The following MYL1 variants were observed in gnomAD, a reference collection of about 807,000 sequenced individuals.
MYL1 encodes the protein myosin light chain 1.
MYL1 carries 16 observed loss-of-function variants against 21.8 expected under a neutral mutation model. The ratio of observed to expected loss-of-function variants is 0.74; its 90% CI spans 0.50 to 1.12. The LOEUF is 1.12. MYL1 is among the 50% of genes most tolerant of loss of function. The pLI is 0.00. For synonymous variants in MYL1, 99 were observed against 85.2 expected, an observed-to-expected ratio of 1.16 and a Z score of -0.89; for missense variants, 246 against 241.0, an observed-to-expected ratio of 1.02 and a Z score of -0.14.
At chr2:210,311,194 G>A (rs1391563366) in intron 1 of MYL1, among the ~76,000 whole-genome samples, 1 of 151,948 alleles carries the variant, frequency 6.6e-6, no homozygotes, top group Non-Finnish European at 1.5e-5. Context: ...TTCTTCTAAA[G>A]GAAACTGGAT....
intron 1 of MYL1, among the ~76,000 whole-genome samples, chr2:210,306,380 CAA>C (rs370261153): frequency 0.012 from 1,437 of 117,498 alleles, 6 homozygotes; most frequent in Middle Eastern, 0.054. Context: ...GACTCCATCT[CAA>C]AAAAAAAAAA....
At chr2:210,309,284 A>G (rs201524551) in intron 1 of MYL1, among the ~76,000 whole-genome samples, 2 of 32,792 alleles carry the variant, frequency 6.1e-5, no homozygotes, top group Non-Finnish European at 7.0e-5. Context: ...TAAACAAAAC[A>G]TAACTTCATA....
At chr2:210,304,690 G>A (rs2125742809) in intron 1 of MYL1, among the ~76,000 whole-genome samples, 1 of 152,330 alleles carries the variant, frequency 6.6e-6, no homozygotes, top group South Asian at 2.1e-4. Context: ...CTGCAGGCAT[G>A]TGCCACTGCA....
chr2:210,303,705 C>A, intron 1 of MYL1: 3 of 954,846 alleles, frequency 3.1e-6, no homozygotes, highest in Non-Finnish European at 3.0e-6. Context: ...GTTGCCACAC[C>A]CCTTGGAGAG....
At chr2:210,309,269 T>A (rs558744798) in intron 1 of MYL1, among the ~76,000 whole-genome samples, 2,746 of 43,866 alleles carry the variant, frequency 0.063, 72 homozygotes, top group African/African-American at 0.18. Flanking sequence ...CTGAAGTAAT[T>A]TAGATAAACA....
At chr2:210,295,094 C>A (rs1437864320) in intron 3 of MYL1, among the ~76,000 whole-genome samples, 9 of 152,092 alleles carry the variant, frequency 5.9e-5, no homozygotes, top group African/African-American at 2.2e-4. Flanking sequence ...CAAGGTAAAT[C>A]TTATTCATGG....
intron 1 of MYL1, among the ~76,000 whole-genome samples, chr2:210,306,066 A>C (rs541941901): frequency 1.4e-3 from 154 of 111,868 alleles, no homozygotes; most frequent in African/African-American, 5.2e-3. Flanking sequence ...CTCACAAAAA[A>C]AAAATAAATT....
At position 210,314,953 on chromosome 2, in the gene MYL1, T is replaced by TGGGGCA. The variant is rs777177851; in HGVS notation, c.84_89dup (p.Pro30_Ala31dup). 1.9e-5 allele frequency: 30 copies of TGGGGCA among 1,613,792 alleles called. No homozygotes were observed. In the South Asian group the frequency reaches 2.1e-4, roughly 11 times the overall value. On this transcript the variant is annotated inframe_insertion, in exon 1 of 7. Transcript: ENST00000352451. ...CAATTTTTTCTTCTTTGGGTTTGGC[T>TGGGGCA]GGGGCAGGGGCAGGTGCAGGTGCCG... is the stretch of plus-strand genomic sequence containing the variant.
intron 3 of MYL1, among the ~76,000 whole-genome samples, chr2:210,298,119 A>T (rs143948982): frequency 1.8e-3 from 269 of 152,184 alleles, no homozygotes; most frequent in Middle Eastern, 6.8e-3. Flanking sequence ...ATTATTTCTA[A>T]TATCTAATGC....
At chr2:210,299,346 A>G (rs1055335658) in intron 2 of MYL1, among the ~76,000 whole-genome samples, 1 of 152,170 alleles carries the variant, frequency 6.6e-6, no homozygotes, top group Non-Finnish European at 1.5e-5. Flanking sequence ...AAGAAATGAT[A>G]CAGAAAGATC....
chr2:210,292,178 C>T (rs1220380658), intron 5 of MYL1, among the ~76,000 whole-genome samples: 12 of 152,216 alleles, frequency 7.9e-5, no homozygotes, highest in African/African-American at 1.9e-4. Context: ...AAGCGATTCT[C>T]GTGCCTCAGC....
At chr2:210,291,233 A>T (rs1690070920) in intron 5 of MYL1, among the ~76,000 whole-genome samples, 159 bp from the exon 6 acceptor site, 1 of 152,186 alleles carries the variant, frequency 6.6e-6, no homozygotes, top group South Asian at 2.1e-4. Flanking sequence ...AATTCTTAGT[A>T]GTGGATTTAT....
chr2:210,314,574 T>C (rs184471886), intron 1 of MYL1, among the ~76,000 whole-genome samples: 105 of 152,356 alleles, frequency 6.9e-4, no homozygotes, highest in Admixed American at 1.2e-3. Context: ...AGAGATTTTA[T>C]TTAAACCCAA....
intron 1 of MYL1, among the ~76,000 whole-genome samples, chr2:210,306,931 A>G (rs1476380288): frequency 2.0e-5 from 3 of 152,010 alleles, no homozygotes; most frequent in South Asian, 4.1e-4. Context: ...AATTAATTGT[A>G]TAATATGAAT....
chr2:210,305,395 A>G (rs895363409), intron 1 of MYL1, among the ~76,000 whole-genome samples: 5 of 152,224 alleles, frequency 3.3e-5, no homozygotes, highest in African/African-American at 1.2e-4. Flanking sequence ...ATTGGGGGAA[A>G]TGGAAGGGAA....
intron 1 of MYL1, among the ~76,000 whole-genome samples, chr2:210,304,633 C>G (rs1690312062): frequency 6.6e-6 from 1 of 152,222 alleles, no homozygotes; most frequent in Non-Finnish European, 1.5e-5. Flanking sequence ...GCCTTGAACT[C>G]CTGGGCTCAA....
Position 210,302,991 on chromosome 2 carries a change from C to T in MYL1, c.133-476G>A, listed in dbSNP as rs16844288. 0.4 allele frequency: 236,499 copies of T among 586,034 alleles called. 48,728 individuals are homozygous for T. The highest frequency in any genetic ancestry group is 0.52 in the Admixed American group (16,237 of 31,340). 36.3% of individuals were successfully genotyped at this position (586,034 alleles called of 1,614,324 possible). ...AAGATAATTAGGGAATATCTTTCTG[C>T]ATCTTAATGATTTAACTAAATGCTA... On this transcript the variant is annotated intron_variant, in intron 1 of 6. Transcript: ENST00000352451.
intron 1 of MYL1, among the ~76,000 whole-genome samples, chr2:210,306,305 C>T (rs982347500): frequency 1.8e-4 from 27 of 150,206 alleles, no homozygotes; most frequent in African/African-American, 6.4e-4. Flanking sequence ...CACTTGAATC[C>T]GGGAGGTGGA....
intron 1 of MYL1, among the ~76,000 whole-genome samples, chr2:210,311,343 T>C (rs1244078988): frequency 6.6e-6 from 1 of 152,064 alleles, no homozygotes; most frequent in Non-Finnish European, 1.5e-5. Context: ...AGTAAGTAAA[T>C]GTATTTGGGA....
Sources: gnomAD v4.1 joint callset for allele counts (sites outside exome capture counted in the v4.1 genomes callset) on GRCh38, gnomAD v4.1.1 for gene constraint, MANE v1.5 for transcripts, NCBI Gene and HGNC (gene_info 2026-07-23, HGNC 2026-07-21) for gene names.